The following TSC2 variants were observed in gnomAD, a reference collection of about 807,000 sequenced individuals.
TSC2 encodes the protein tuberin.
A neutral mutation model predicts 202.2 loss-of-function variants in TSC2; 29 were observed. The ratio of observed to expected loss-of-function variants is 0.14; its 90% CI spans 0.11 to 0.20. TSC2 has a LOEUF of 0.20. Among genes scored for constraint, TSC2 ranks in the 10% least tolerant of loss-of-function variants. TSC2 has a pLI of 1.00. For synonymous variants in TSC2, 1,349 were observed against 1,044.0 expected (o/e 1.29, Z -5.63); for missense variants, 2,429 against 2,420.0 (o/e 1.00, Z -0.08).
At chr16:2,069,532 T>G (rs948042663) in intron 16 of TSC2, among the ~76,000 whole-genome samples, 7 of 151,032 alleles carry the variant, frequency 4.6e-5, no homozygotes, top group Middle Eastern at 3.4e-3. Context: ...CAGGCTGGAG[T>G]GCAGTGGCAC....
intron 16 of TSC2, among the ~76,000 whole-genome samples, chr16:2,067,558 G>A (rs575888862): frequency 2.8e-4 from 42 of 151,942 alleles, no homozygotes; most frequent in Middle Eastern, 3.4e-3. Flanking sequence ...ATCACCTGAG[G>A]TTGGGAGTTC....
At chr16:2,051,747 C>T (rs146407062) in intron 3 of TSC2, among the ~76,000 whole-genome samples, 157 of 152,252 alleles carry the variant, frequency 1.0e-3, no homozygotes, top group African/African-American at 3.4e-3. Context: ...GCTGGCCGTA[C>T]GCTACCAAAG....
chr16:2,048,564 C>G, intron 1 of TSC2, 23 bp from the exon 2 acceptor site: 1 of 1,613,196 alleles, frequency 6.2e-7, no homozygotes, highest in Non-Finnish European at 8.5e-7. Context: ...TCAGATGTCC[C>G]CATTCCTGTT....
At position 2,089,314 on chromosome 16, in the gene TSC2, A is replaced by C; in HGVS notation, c.*704A>C. The C allele has an allele frequency of 7.4e-6, 2 of 271,848 alleles. No individual in the cohort carries two copies. The highest frequency in any genetic ancestry group is 1.4e-5 in the Non-Finnish European group (2 of 142,472). The allele number at this position is 271,848 out of a possible 1,614,324, so 16.8% of individuals were successfully genotyped here. A position where few individuals can be genotyped will look rare whatever the true frequency, so the allele number is the denominator to read the frequency against. ...AGACACACAGTGAGACGGTGCAGGG[A>C]GTACGGTAGGAACTGGAGAGGTAAT... On this transcript the variant is annotated 3_prime_UTR_variant, in exon 42 of 42. Transcript: ENST00000219476.
chr16:2,083,939 A>G, intron 33 of TSC2, 123 bp downstream of exon 33: 1 of 1,442,410 alleles, frequency 6.9e-7, no homozygotes, highest in South Asian at 1.4e-5. Context: ...ATGTTCTTCC[A>G]CATCCCTCGT....
At position 2,080,386 on chromosome 16, in the gene TSC2, C is replaced by T. The variant is rs45467194; in HGVS notation, c.3610+9C>T. 775 of 1,610,112 alleles carry T rather than the reference C, an allele frequency of 4.8e-4. 1 individual carries two copies. The highest frequency in any genetic ancestry group is 4.7e-4 in the Non-Finnish European group (560 of 1,179,310). On this transcript the variant is annotated intron_variant, in intron 30 of 41. Transcript: ENST00000219476. The stretch of plus-strand genomic sequence containing the variant: ...GGTCCGGAGGCCCACAGGTACTGGG[C>T]GGGGCTGGCCTGAGCGCCATCTTTC...
In TSC2 at chr16:2,064,340, C is replaced by G. The variant is rs146359990; in HGVS notation, c.1512C>G (p.Val504=). The G allele has an allele frequency of 5.9e-5, 96 of 1,613,752 alleles. No individual in the cohort carries two copies. In the African/African-American group the frequency reaches 1.1e-3, roughly 19 times the overall value. The part of the protein sequence containing the change: ...SHIPEDKDHQ[V]RKLATQLLVD... ...TCCCCGAGGATAAAGACCACCAGGTCCGAAAGCTGGCCACCCAGTTGCTGG... is the reference window on the plus strand; with the variant it reads ...TCCCCGAGGATAAAGACCACCAGGTGCGAAAGCTGGCCACCCAGTTGCTGG... Residue 504 remains valine, a synonymous_variant, in exon 15 of 42, where the codon GTC becomes GTG. Coordinates refer to ENST00000219476, the MANE Select transcript of TSC2 (RefSeq NM_000548.5).
In TSC2 at chr16:2,088,893, A is replaced by G. The variant is rs569861397; in HGVS notation, c.*283A>G. On this transcript the variant is annotated 3_prime_UTR_variant, in exon 42 of 42. Transcript: ENST00000219476. The stretch of plus-strand genomic sequence containing the variant: ...CGCGTGCGCGCGCGCACACACACAC[A>G]CACACAGTCACCTTCCTCCACCCTG... 1.1e-5 allele frequency: 5 copies of G among 445,612 alleles called. No individual in the cohort carries two copies. The highest frequency in any genetic ancestry group is 1.2e-5 in the Non-Finnish European group (3 of 242,940). 27.6% of individuals were successfully genotyped at this position (445,612 alleles called of 1,614,324 possible). A position where few individuals can be genotyped will look rare whatever the true frequency, so the allele number is the denominator to read the frequency against.
At chr16:2,062,932 G>A (rs1005498458) in intron 13 of TSC2, 40 bp from the exon 14 acceptor site, 8 of 1,543,258 alleles carry the variant, frequency 5.2e-6, no homozygotes, top group African/African-American at 2.7e-5. Flanking sequence ...GGCTGTGGCC[G>A]GGCACTCCCC....
At chr16:2,064,065 C>T in intron 14 of TSC2, 1 of 745,834 alleles carries the variant, frequency 1.3e-6, no homozygotes, top group Non-Finnish European at 2.3e-6. Context: ...CACCAGCCTT[C>T]TGAACGAGGA....
intron 15 of TSC2, 89 bp downstream of exon 15, chr16:2,064,516 A>C: frequency 6.3e-7 from 1 of 1,593,918 alleles, no homozygotes; most frequent in Middle Eastern, 2.2e-4. Flanking sequence ...CTCCTCTTCG[A>C]GTGACCGGAT....
At chr16:2,081,830 C>T (rs769708658) in intron 31 of TSC2, 32 bp downstream of exon 31, 2 of 1,607,688 alleles carry the variant, frequency 1.2e-6, no homozygotes, top group East Asian at 2.2e-5. Flanking sequence ...GGCACGGGCT[C>T]TGCTCCCACT....
chr16:2,062,487 C>A lies in TSC2; in HGVS notation c.1258-10C>A. The A allele has an allele frequency of 1.2e-6, 2 of 1,605,992 alleles. No homozygotes were observed. Among genetic ancestry groups the A allele is most frequent in the Non-Finnish European group, 1.7e-6 (2 of 1,175,664 alleles). On this transcript the variant is annotated splice_polypyrimidine_tract_variant and intron_variant, in intron 12 of 41. Transcript: ENST00000219476. ...GGGCAGAGGGGCAACACCGGCTCTT[C>A]TTTTGACAGGAGTCCTCCCTCCTGA...
intron 12 of TSC2, among the ~76,000 whole-genome samples, chr16:2,062,246 T>C (rs2086732959): frequency 6.6e-6 from 1 of 152,218 alleles, no homozygotes; most frequent in Non-Finnish European, 1.5e-5. Context: ...CATCCGGCTC[T>C]GTAGAGTCCT....
chr16:2,064,293 G>C lies in TSC2; in HGVS notation c.1465G>C (p.Val489Leu), dbSNP rs2087009746. ...FYEEELINSVVISQLSHIPED... is the reference protein window; with the variant it reads ...FYEEELINSVLISQLSHIPED... ...GCAGGAGGAGCTGATTAACTCAGTG[G>C]TCATCTCGCAGCTCTCCCACATCCC... Residue 489 changes from valine to leucine, a missense_variant, in exon 15 of 42, where the codon GTC becomes CTC. Coordinates refer to ENST00000219476, the MANE Select transcript of TSC2 (RefSeq NM_000548.5). 1 of 1,613,768 alleles carries C rather than the reference G, an allele frequency of 6.2e-7. No homozygotes were observed. Among genetic ancestry groups the C allele is most frequent in the South Asian group, 1.1e-5 (1 of 91,090 alleles).
At chr16:2,078,487 A>G (rs2089702556) in intron 26 of TSC2, 1 of 188,256 alleles carries the variant, frequency 5.3e-6, no homozygotes, top group Non-Finnish European at 1.1e-5. Flanking sequence ...ATTTTCTAGC[A>G]CATTCTGTAT....
rs149369422 is a variant in TSC2 at position 2,067,438 on chromosome 16, A to G, written c.1716+1803A>G. 5.9e-3 allele frequency among the ~76,000 whole-genome samples: 899 copies of G among 151,436 alleles called. 13 individuals are homozygous for G. Among genetic ancestry groups the G allele is most frequent in the East Asian group, 0.026 (128 of 4,988 alleles). ...TAGCCTCCCAAAGTGCTGGGATTAC[A>G]GGCATGAGCCACCACACCTGGCCGT... On this transcript the variant is annotated intron_variant, in intron 16 of 41. Transcript: ENST00000219476.
In TSC2 at chr16:2,055,397, C is replaced by T. The variant is rs397515071; in HGVS notation, c.482-5C>T. Reference sequence around the variant, plus strand: ...CCTCGCAAACTGCCGCCGCTTCTCCCCCAGCTGACTTTGTCCTGCAGTGGA... The same window carrying T: ...CCTCGCAAACTGCCGCCGCTTCTCCTCCAGCTGACTTTGTCCTGCAGTGGA... On this transcript the variant is annotated splice_polypyrimidine_tract_variant and splice_region_variant and intron_variant, in intron 5 of 41. Coordinates refer to ENST00000219476, the MANE Select transcript of TSC2 (RefSeq NM_000548.5). 6.2e-7 allele frequency: 1 copy of T among 1,613,698 alleles called. No homozygotes were observed. The highest frequency in any genetic ancestry group is 8.5e-7 in the Non-Finnish European group (1 of 1,179,634).
chr16:2,059,482 G>C (rs2086345823), intron 10 of TSC2, among the ~76,000 whole-genome samples: 1 of 147,686 alleles, frequency 6.8e-6, no homozygotes, highest in South Asian at 2.2e-4. Context: ...TGGGATTACA[G>C]GTGCCTGCCA....
Sources: gnomAD v4.1 joint callset for allele counts (sites outside exome capture counted in the v4.1 genomes callset) on GRCh38, gnomAD v4.1.1 for gene constraint, MANE v1.5 for transcripts, NCBI Gene and HGNC (gene_info 2026-07-23, HGNC 2026-07-21) for gene names.